The following DGKH variants were observed in gnomAD, a reference collection of about 807,000 sequenced individuals.
The protein encoded by DGKH is diacylglycerol kinase eta, also known as DAG kinase eta.
Under a neutral mutation model 159.3 loss-of-function variants are expected in DGKH, and 90 were observed. That is an observed-to-expected ratio of 0.57 (90% confidence interval 0.48 to 0.67). DGKH has a LOEUF of 0.67. Among genes scored for constraint, DGKH ranks in the 30% least tolerant of loss-of-function variants. DGKH has a pLI of 0.00. For synonymous variants in DGKH, 536 were observed against 553.8 expected (o/e 0.97, Z 0.45); for missense variants, 1,181 against 1,506.1 (o/e 0.78, Z 3.57).
At chr13:42,176,215 T>C (rs1956599854) in intron 12 of DGKH, among the ~76,000 whole-genome samples, 1 of 152,240 alleles carries the variant, frequency 6.6e-6, no homozygotes, top group Non-Finnish European at 1.5e-5. Flanking sequence ...TCAAATGTTA[T>C]TAATTAATAC....
At chr13:42,209,940 A>G (rs1957600882) in intron 23 of DGKH, among the ~76,000 whole-genome samples, 2 of 150,532 alleles carry the variant, frequency 1.3e-5, no homozygotes, top group South Asian at 4.2e-4. Context: ...AAAATTCCTT[A>G]TGGTCTACCT....
At chr13:42,062,445 G>A (rs779952942) in intron 1 of DGKH, among the ~76,000 whole-genome samples, 4 of 152,208 alleles carry the variant, frequency 2.6e-5, no homozygotes, top group Non-Finnish European at 5.9e-5. Flanking sequence ...CACAGCTAGA[G>A]ATGAGTTGTA....
chr13:42,166,047 C>G (rs1267464707), intron 8 of DGKH, among the ~76,000 whole-genome samples: 1 of 152,060 alleles, frequency 6.6e-6, no homozygotes, highest in African/African-American at 2.4e-5. Flanking sequence ...CCAATTCCCC[C>G]AAAATATACA....
intron 12 of DGKH, among the ~76,000 whole-genome samples, chr13:42,176,087 TC>T (rs1237730675): frequency 1.3e-5 from 2 of 152,252 alleles, no homozygotes; most frequent in African/African-American, 4.8e-5. Context: ...TATAATTTTA[TC>T]TTTGAACATA....
intron 3 of DGKH, among the ~76,000 whole-genome samples, chr13:42,129,887 A>C (rs1388232059): frequency 3.3e-5 from 5 of 152,060 alleles, no homozygotes; most frequent in African/African-American, 4.8e-5. Flanking sequence ...TAAGTTTTTC[A>C]CCTCCTCTAA....
At chr13:42,186,999 C>A (rs768172899) in intron 13 of DGKH, 50 bp from the exon 14 acceptor site, 17 of 1,470,998 alleles carry the variant, frequency 1.2e-5, no homozygotes, top group Non-Finnish European at 1.6e-5. Flanking sequence ...TAAATCAAGG[C>A]AAATTAATTC....
chr13:42,170,276 G>A (rs1425310376), intron 11 of DGKH, among the ~76,000 whole-genome samples: 2 of 152,312 alleles, frequency 1.3e-5, no homozygotes, highest in East Asian at 3.9e-4. Context: ...AGTCGGGGGA[G>A]GTGGCTCACG....
At chr13:42,161,969 T>C (rs1213466934) in intron 7 of DGKH, among the ~76,000 whole-genome samples, 1 of 152,190 alleles carries the variant, frequency 6.6e-6, no homozygotes, top group Non-Finnish European at 1.5e-5. Flanking sequence ...GCTCATTCTA[T>C]TCACCCCTAA....
rs527565966 is a variant in DGKH at position 42,130,243 on chromosome 13, A to G, written c.384+611A>G. Among the ~76,000 whole-genome samples the G allele has an allele frequency of 5.9e-5, 9 of 152,094 alleles. No homozygotes were observed. In the East Asian group the frequency reaches 1.7e-3, roughly 29 times the overall value. ...CAATTTATTTGTCCTTCTCTGTCCC[A>G]CCAGTGCAGCAATTCTACCCATGCC... On this transcript the variant is annotated intron_variant, in intron 3 of 29. Coordinates refer to ENST00000337343, the MANE Select transcript of DGKH (RefSeq NM_178009.5).
intron 1 of DGKH, among the ~76,000 whole-genome samples, chr13:42,079,259 T>A (rs1490284980): frequency 6.6e-6 from 1 of 152,072 alleles, no homozygotes; most frequent in Non-Finnish European, 1.5e-5. Context: ...AGTTATGGAG[T>A]ATATGCACAA....
chr13:42,081,347 A>C (rs1204640437), intron 1 of DGKH, among the ~76,000 whole-genome samples: 1 of 151,892 alleles, frequency 6.6e-6, no homozygotes, highest in Non-Finnish European at 1.5e-5. Context: ...CTCCTACCTC[A>C]GCCTCCCAAG....
Position 42,205,763 on chromosome 13 carries a change from G to T in DGKH, c.2494-276G>T, listed in dbSNP as rs79249578. ...GAAAGTACATAAAAGGCCTGAAAAT[G>T]ATTCAAGAAAAGGACTCCCTGGTTT... On this transcript the variant is annotated intron_variant, in intron 20 of 29. Coordinates refer to ENST00000337343, the MANE Select transcript of DGKH (RefSeq NM_178009.5). Among the ~76,000 whole-genome samples the T allele has an allele frequency of 1.8e-3, 274 of 152,240 alleles. 4 individuals carry two copies. In the East Asian group the frequency reaches 0.043, roughly 24 times the overall value.
chr13:42,106,734 A>C (rs1954765456), intron 1 of DGKH, among the ~76,000 whole-genome samples: 1 of 152,172 alleles, frequency 6.6e-6, no homozygotes, highest in South Asian at 2.1e-4. Context: ...TTCAGAATTC[A>C]TATACCACTG....
At chr13:42,077,818 G>A (rs1954128052) in intron 1 of DGKH, among the ~76,000 whole-genome samples, 1 of 152,182 alleles carries the variant, frequency 6.6e-6, no homozygotes, top group Non-Finnish European at 1.5e-5. Context: ...AAAATATCCA[G>A]CTATAATGTG....
chr13:42,179,936 A>G (rs1956708629), intron 13 of DGKH, among the ~76,000 whole-genome samples: 1 of 152,242 alleles, frequency 6.6e-6, no homozygotes, highest in Non-Finnish European at 1.5e-5. Context: ...CAAGAATTCC[A>G]CTTCATTAAA....
chr13:42,049,949 C>T (rs932587345), intron 1 of DGKH, among the ~76,000 whole-genome samples: 6 of 152,116 alleles, frequency 3.9e-5, no homozygotes, highest in African/African-American at 1.4e-4. Flanking sequence ...GAAAACGGAA[C>T]CACAAAATCA....
Position 42,230,781 on chromosome 13 carries a change from C to T in DGKH, c.*1593C>T, listed in dbSNP as rs1566220904. The T allele has an allele frequency of 6.6e-6, 1 of 151,870 alleles. No individual in the cohort carries two copies. Among genetic ancestry groups the T allele is most frequent in the Non-Finnish European group, 1.5e-5 (1 of 67,996 alleles). 9.4% of individuals were successfully genotyped at this position (151,870 alleles called of 1,614,324 possible). A position where few individuals can be genotyped will look rare whatever the true frequency, so the allele number is the denominator to read the frequency against. ...TATGGCATCATTGATATTTTCTAGACAATTATTTCCCCAGTGTTTAAAGAG... is the reference window on the plus strand; with the variant it reads ...TATGGCATCATTGATATTTTCTAGATAATTATTTCCCCAGTGTTTAAAGAG... On this transcript the variant is annotated 3_prime_UTR_variant, in exon 30 of 30. Coordinates refer to ENST00000337343, the MANE Select transcript of DGKH (RefSeq NM_178009.5).
At chr13:42,252,850 C>G (rs1269955107) in intron 30 of DGKH, among the ~76,000 whole-genome samples, 1 of 151,736 alleles carries the variant, frequency 6.6e-6, no homozygotes, top group Non-Finnish European at 1.5e-5. Context: ...CAGGTTCAAG[C>G]GATTCTTCTG....
chr13:42,074,648 G>GTCCGTCCA (rs1555257775), intron 1 of DGKH, among the ~76,000 whole-genome samples: 13 of 149,058 alleles, frequency 8.7e-5, no homozygotes, highest in Admixed American at 4.7e-4. Flanking sequence ...GTATCTATCC[G>GTCCGTCCA]TCCATCCATC....
Sources: allele counts gnomAD v4.1 joint callset (sites outside exome capture counted in the v4.1 genomes callset), GRCh38; gene constraint gnomAD v4.1.1; transcripts MANE v1.5; gene names NCBI Gene and HGNC (gene_info 2026-07-23, HGNC 2026-07-21).